Variants in SCN1A observed in about 807,000 individuals in gnomAD.
SCN1A encodes sodium channel protein type 1 subunit alpha.
In SCN1A, 13 loss-of-function variants were observed where a neutral mutation model predicts 193.7. That is an observed-to-expected ratio of 0.07 (90% CI 0.04 to 0.11). SCN1A has a LOEUF of 0.11. Among genes scored for constraint, SCN1A ranks in the 10% least tolerant of loss-of-function variants. The probability of loss-of-function intolerance (pLI) is 1.00; values close to 1 mark genes in which losing one functional copy is unlikely to be tolerated. For synonymous variants in SCN1A, 781 were observed against 843.6 expected (o/e 0.93, Z 1.29); for missense variants, 1,432 against 2,451.1 (o/e 0.58, Z 8.78).
chr2:166,041,233 A>G lies in SCN1A; in HGVS notation c.2413T>C (p.Leu805=). The G allele has an allele frequency of 6.3e-7, 1 of 1,597,190 alleles. No homozygotes were observed. Among genetic ancestry groups the G allele is most frequent in the South Asian group, 1.1e-5 (1 of 90,766 alleles). The change falls in exon 16 of 29, where the codon TTG becomes CTG. Residue 805 remains leucine (L), a splice_region_variant and synonymous_variant. Transcript: ENST00000674923. ...CATTTACCTTCCAATATGCTTACCA[A>G]GTTTCCTACTGTAAGCACATTATTG... is the stretch of plus-strand genomic sequence containing the variant. ...HFNNVLTVGN[L]VFTGIFTAEM...
intron 1 of SCN1A, among the ~76,000 whole-genome samples, chr2:166,135,778 C>A (rs749100655): frequency 2.6e-5 from 4 of 152,106 alleles, no homozygotes; most frequent in Non-Finnish European, 5.9e-5. Flanking sequence ...TGACATTTAG[C>A]CTAGTTCTCC....
intron 2 of SCN1A, among the ~76,000 whole-genome samples, chr2:166,090,804 A>G (rs1686721749): frequency 6.6e-6 from 1 of 152,226 alleles, no homozygotes; most frequent in Admixed American, 6.5e-5. Flanking sequence ...CTTAAAACAT[A>G]TTCTAAGTAC....
Position 166,090,029 on chromosome 2 carries a change from C to CTTT in SCN1A, c.-141-12231_-141-12229dup, listed in dbSNP as rs545740675. 2.7e-3 allele frequency among the ~76,000 whole-genome samples: 191 copies of CTTT among 71,422 alleles called. 23 individuals are homozygous for CTTT. The highest frequency in any genetic ancestry group is 8.3e-3 in the African/African-American group (156 of 18,840). The allele number at this position is 71,422 out of a possible 152,430, so 46.9% of individuals were successfully genotyped here. A position where few individuals can be genotyped will look rare whatever the true frequency, so the allele number is the denominator to read the frequency against. ...TCTTCCTTCCTTCCTTCCTTCTTTC[C>CTTT]TTTTTTTTTTTTTTTTTTTTTTTTT... On this transcript the variant is annotated intron_variant, in intron 2 of 28. Transcript: ENST00000674923.
At chr2:166,121,984 A>G (rs1690655079) in intron 2 of SCN1A, among the ~76,000 whole-genome samples, 1 of 152,234 alleles carries the variant, frequency 6.6e-6, no homozygotes, top group Non-Finnish European at 1.5e-5. Context: ...ATGCACATGC[A>G]CAGAGGAAAA....
At chr2:166,100,667 A>G (rs1687944763) in intron 2 of SCN1A, among the ~76,000 whole-genome samples, 2 of 147,054 alleles carry the variant, frequency 1.4e-5, no homozygotes, top group Non-Finnish European at 3.0e-5. Context: ...AATTTACAAG[A>G]AAAAAACAAC....
Position 165,986,173 on chromosome 2 carries a change from T to C in SCN1A, c.*5072A>G, listed in dbSNP as rs1688597369. On this transcript the variant is annotated 3_prime_UTR_variant, in exon 29 of 29. Coordinates refer to ENST00000674923, the MANE Select transcript of SCN1A (RefSeq NM_001165963.4). ...TTAAACATTAAATGGTATTAGTCTTTAGAAAATAATCTAAAAGATACAATT... is the reference window on the plus strand; with the variant it reads ...TTAAACATTAAATGGTATTAGTCTTCAGAAAATAATCTAAAAGATACAATT... The C allele has an allele frequency of 6.6e-6, 1 of 152,196 alleles. No homozygotes were observed. The highest frequency in any genetic ancestry group is 2.4e-5 in the African/African-American group (1 of 41,458). The allele number at this position is 152,196 out of a possible 1,614,324, so 9.4% of individuals were successfully genotyped here.
chr2:166,013,529 A>G (rs184566424), intron 21 of SCN1A, among the ~76,000 whole-genome samples: 1 of 151,710 alleles, frequency 6.6e-6, no homozygotes, highest in Admixed American at 6.6e-5. Flanking sequence ...AATAGTAAGC[A>G]AAAATTAATG....
At chr2:166,041,144 G>C (rs1697113758) in intron 16 of SCN1A, 87 bp downstream of exon 16, 1 of 1,016,724 alleles carries the variant, frequency 9.8e-7, no homozygotes, top group African/African-American at 1.6e-5. Flanking sequence ...AAGGATGGTT[G>C]AAAGACTGCT....
chr2:166,042,263 T>C, intron 15 of SCN1A, 29 bp downstream of exon 15: 1 of 1,607,604 alleles, frequency 6.2e-7, no homozygotes, highest in Non-Finnish European at 8.5e-7. Context: ...GTGAAAATAA[T>C]TGAAACGAAA....
At position 166,015,679 on chromosome 2, in the gene SCN1A, C is replaced by T. The variant is rs776752552; in HGVS notation, c.3478G>A (p.Gly1160Ser). 21 of 1,612,722 alleles carry T rather than the reference C, an allele frequency of 1.3e-5. No homozygotes were observed. The Admixed American group carries it at 1.3e-4, about 10-fold the overall frequency. ...SSSEGSTVDIGAPVEEQPVVE... is the reference protein window; with the variant it reads ...SSSEGSTVDISAPVEEQPVVE... ...ACGGGCTGTTCTTCTACAGGTGCGCCGATGTCCACAGTGCTACCTTCTGAT... is the reference window on the plus strand; with the variant it reads ...ACGGGCTGTTCTTCTACAGGTGCGCTGATGTCCACAGTGCTACCTTCTGAT... The change falls in exon 20 of 29, where the codon GGC (glycine) becomes AGC (serine). Residue 1160 changes from glycine to serine, a missense_variant. By Grantham distance (56) the Gly-to-Ser change is moderately conservative. Coordinates refer to ENST00000674923, the MANE Select transcript of SCN1A (RefSeq NM_001165963.4).
Position 166,051,988 on chromosome 2 carries a change from C to T in SCN1A, c.695G>A (p.Gly232Asp), listed in dbSNP as rs1228436536. ...RALKTISVIP[G>D]LKTIVGALIQ... is the part of the protein sequence containing the mutation. The stretch of plus-strand genomic sequence containing the variant: ...CAGGGCTCCCACAATGGTTTTCAGG[C>T]CTGAAAGAAAGAAGTCTATTACTAT... Residue 232 changes from glycine to aspartate, a missense_variant and splice_region_variant, in exon 9 of 29, where the codon GGC (glycine) becomes GAC (aspartate). Around this residue, in one of 18 missense-constraint regions of SCN1A, gnomAD observed 123 missense variants for 282.8 expected, o/e 0.43. Coordinates refer to ENST00000674923, the MANE Select transcript of SCN1A (RefSeq NM_001165963.4). The T allele has an allele frequency of 1.2e-6, 2 of 1,609,642 alleles. No individual in the cohort carries two copies. Among genetic ancestry groups the T allele is most frequent in the African/African-American group, 1.3e-5 (1 of 74,500 alleles).
Position 166,095,125 on chromosome 2 carries a change from G to A in SCN1A, c.-141-17324C>T, listed in dbSNP as rs1294907012. 2.0e-5 allele frequency among the ~76,000 whole-genome samples: 3 copies of A among 152,276 alleles called. 1 individual carries two copies. Among genetic ancestry groups the A allele is most frequent in the Non-Finnish European group, 1.5e-5 (1 of 68,004 alleles). ...ATTTTAAATGATTTATCTTTCCATA[G>A]GGATAAAAATTCAATTACGTACCCT... On this transcript the variant is annotated intron_variant, in intron 2 of 28. Transcript: ENST00000674923.
chr2:166,018,554 C>A (rs1443448010), intron 19 of SCN1A, among the ~76,000 whole-genome samples: 1 of 151,932 alleles, frequency 6.6e-6, no homozygotes, highest in Non-Finnish European at 1.5e-5. Context: ...TACAGAATTA[C>A]TTTTTAAAAA....
intron 2 of SCN1A, among the ~76,000 whole-genome samples, chr2:166,122,770 A>G (rs1253872867): frequency 3.3e-5 from 5 of 152,196 alleles, no homozygotes; most frequent in African/African-American, 9.7e-5. Context: ...AAAATTATAC[A>G]ACTAGTTGAA....
intron 28 of SCN1A, 36 bp downstream of exon 28, chr2:165,994,110 A>G: frequency 1.3e-6 from 2 of 1,503,452 alleles, no homozygotes; most frequent in Non-Finnish European, 1.8e-6. Context: ...TTTCACTTTT[A>G]TTTAACTGAA....
upstream of SCN1A, among the ~76,000 whole-genome samples, chr2:166,129,313 T>C (rs915360890): frequency 6.6e-6 from 1 of 152,182 alleles, no homozygotes; most frequent in Admixed American, 6.6e-5. Flanking sequence ...CACCATTTTT[T>C]CCTGTTCTAG....
intron 20 of SCN1A, 107 bp downstream of exon 20, chr2:166,015,500 A>G: frequency 7.5e-7 from 1 of 1,325,742 alleles, no homozygotes; most frequent in Admixed American, 1.7e-5. Context: ...ATTGAATTAT[A>G]TCTATTACAA....
At position 165,994,296 on chromosome 2, in the gene SCN1A, A is replaced by G. The variant is rs1314436497; in HGVS notation, c.4702T>C (p.Tyr1568His). Reference protein sequence around the residue: ...MMVETDDQSEYVTTILSRINL... With the variant: ...MMVETDDQSEHVTTILSRINL... ...ATGCGTGACAAAATGGTAGTCACAT[A>G]TTCACTCTGGTCATCTGTTTCCACC... The change falls in exon 28 of 29, where the codon TAT (tyrosine) becomes CAT (histidine). Residue 1568 changes from tyrosine (Y) to histidine (H), a missense_variant. Around this residue, in one of 18 missense-constraint regions of SCN1A, gnomAD observed 85 missense variants for 119.1 expected, o/e 0.71. Transcript: ENST00000674923. The G allele has an allele frequency of 3.7e-6, 6 of 1,613,218 alleles. No homozygotes were observed. The highest frequency in any genetic ancestry group is 5.1e-6 in the Non-Finnish European group (6 of 1,179,514).
chr2:166,108,294 A>G (rs1167153097), intron 2 of SCN1A, among the ~76,000 whole-genome samples: 1 of 152,116 alleles, frequency 6.6e-6, no homozygotes, highest in Non-Finnish European at 1.5e-5. Flanking sequence ...TAATAATAAA[A>G]AAAACAGATA....
Sources: gnomAD v4.1 joint callset for allele counts (sites outside exome capture counted in the v4.1 genomes callset) on GRCh38, gnomAD v4.1.1 for gene constraint, gnomAD v4.1.1 regional missense constraint, MANE v1.5 for transcripts, NCBI Gene and HGNC (gene_info 2026-07-23, HGNC 2026-07-21) for gene names.